The following LMO3 variants were observed in gnomAD, a reference collection of about 807,000 sequenced individuals.
The protein encoded by LMO3 is LIM domain only protein 3.
Under a neutral mutation model 15.8 loss-of-function variants are expected in LMO3, and 2 were observed. The ratio of observed to expected loss-of-function variants is 0.13; its 90% CI spans 0.05 to 0.40. The LOEUF is 0.40. Among genes scored for constraint, LMO3 ranks in the 10% least tolerant of loss-of-function variants. The pLI is 0.99. For synonymous variants in LMO3, 62 were observed against 63.8 expected (o/e 0.97, Z 0.13); for missense variants, 86 against 182.2 (o/e 0.47, Z 3.04).
rs2137642994 is a variant in LMO3, at chr12:16,593,585, T to C, written c.206+7070A>G. ...AAAAAGGTTTATCAAGAAGATTTCA[T>C]AATACAGCACAGAAGCAAAAAATGG... is the stretch of plus-strand genomic sequence containing the variant. On this transcript the variant is annotated intron_variant, in intron 2 of 3. Coordinates refer to ENST00000537304, the MANE Select transcript of LMO3 (RefSeq NM_018640.5). The surrounding 1 kb of genome is among the most constrained non-coding windows in gnomAD (Gnocchi z 4.2). 6.6e-6 allele frequency among the ~76,000 whole-genome samples: 1 copy of C among 151,936 alleles called. No homozygotes were observed. The highest frequency in any genetic ancestry group is 2.1e-4 in the South Asian group (1 of 4,820).
At position 16,573,960 on chromosome 12, in the gene LMO3, TATTACGGAACTG is replaced by T. The variant is rs1942910826; in HGVS notation, c.207-13434_207-13423del. On this transcript the variant is annotated intron_variant, in intron 2 of 3. Transcript: ENST00000537304. Reference sequence around the variant, plus strand: ...ATCAAGTCACATTAAGAAAGGAATGTATTACGGAACTGGAGTCCGTGCCCCTCAGAGCATTAC... The same window carrying T: ...ATCAAGTCACATTAAGAAAGGAATGTGAGTCCGTGCCCCTCAGAGCATTAC... The T allele has an allele frequency of 2.6e-5, 4 of 152,186 alleles. No homozygotes were observed. In the South Asian group the frequency reaches 8.3e-4, roughly 32 times the overall value. 9.4% of individuals were successfully genotyped at this position (152,186 alleles called of 1,614,324 possible).
rs1942296629 is a variant in LMO3 at position 16,559,087 on chromosome 12, G to A, written c.332+1326C>T. ...TCATAAGAAGATTCTGCATCAAATA[G>A]TACCTTTCAGAGTAAATTACAATAA... On this transcript the variant is annotated intron_variant, in intron 3 of 3. Transcript: ENST00000537304. This position sits in a 1 kb window ranked among gnomAD's most constrained non-coding sequence, Gnocchi z 4.1. 1.3e-5 allele frequency among the ~76,000 whole-genome samples: 2 copies of A among 152,236 alleles called. No homozygotes were observed. Among genetic ancestry groups the A allele is most frequent in the Admixed American group, 6.5e-5 (1 of 15,302 alleles).
chr12:16,605,812 A>T, intron 1 of LMO3: 1 of 1,535,314 alleles, frequency 6.5e-7, no homozygotes, highest in Non-Finnish European at 8.7e-7. Flanking sequence ...TTCCATCAAC[A>T]TCTTCCGCCT....
upstream of LMO3, chr12:16,609,768 T>C (rs547933271): frequency 6.6e-6 from 1 of 152,208 alleles, no homozygotes; most frequent in South Asian, 2.1e-4. Flanking sequence ...AAGAAAATAG[T>C]GTGTATATAT....
At chr12:16,592,730 T>A (rs1943532444) in intron 2 of LMO3, among the ~76,000 whole-genome samples, 1 of 151,878 alleles carries the variant, frequency 6.6e-6, no homozygotes, top group African/African-American at 2.4e-5. Flanking sequence ...AATGTAACAG[T>A]CTTGATTCTT....
chr12:16,596,792 C>T lies in LMO3; in HGVS notation c.206+3863G>A, dbSNP rs1459664518. Among the ~76,000 whole-genome samples, 1 of 151,632 alleles carries T rather than the reference C, an allele frequency of 6.6e-6. No individual in the cohort carries two copies. The highest frequency in any genetic ancestry group is 1.5e-5 in the Non-Finnish European group (1 of 67,676). ...ATGAGTACCTTAAACATTATCACTA[C>T]AACTTTGCTATTTTTACACAGTCAT... On this transcript the variant is annotated intron_variant, in intron 2 of 3. Coordinates refer to ENST00000537304, the MANE Select transcript of LMO3 (RefSeq NM_018640.5). The surrounding 1 kb of genome is among the most constrained non-coding windows in gnomAD (Gnocchi z 4.3).
chr12:16,600,632 T>C, intron 2 of LMO3, 23 bp downstream of exon 2: 1 of 1,595,560 alleles, frequency 6.3e-7, no homozygotes, highest in South Asian at 1.1e-5. Context: ...CAGTCATCAC[T>C]GGTGTGCAAG....
intron 1 of LMO3, among the ~76,000 whole-genome samples, chr12:16,602,704 T>G (rs1226940609): frequency 6.6e-6 from 1 of 152,206 alleles, no homozygotes; most frequent in African/African-American, 2.4e-5. Flanking sequence ...TTCTAACAAA[T>G]GAAGTTTCTT....
intron 2 of LMO3, among the ~76,000 whole-genome samples, chr12:16,561,765 T>C (rs902016216): frequency 6.6e-6 from 1 of 152,230 alleles, no homozygotes; most frequent in Non-Finnish European, 1.5e-5. Context: ...GTTGTGAGAA[T>C]GGTTTCTAAG....
chr12:16,551,424 A>G (rs972608486), intron 3 of LMO3, 97 bp from the exon 4 acceptor site: 4 of 722,362 alleles, frequency 5.5e-6, no homozygotes, highest in African/African-American at 5.3e-5. Flanking sequence ...TCGCATGGTA[A>G]TTCCCTGAAT....
At chr12:16,607,236 A>AC (rs1358923730), upstream of LMO3, 1 of 152,072 alleles carries the variant, frequency 6.6e-6, no homozygotes, top group Non-Finnish European at 1.5e-5. Flanking sequence ...ACTAATGCTG[A>AC]CCCCCACCAC....
At chr12:16,610,138 C>T (rs1377952668), upstream of LMO3, 2 of 152,124 alleles carry the variant, frequency 1.3e-5, no homozygotes, top group East Asian at 1.9e-4. Context: ...TGTGCCTCTC[C>T]CTTTCTCACT....
At chr12:16,554,362 T>G (rs1429660651) in intron 3 of LMO3, among the ~76,000 whole-genome samples, 2 of 152,214 alleles carry the variant, frequency 1.3e-5, no homozygotes, top group East Asian at 3.9e-4. Context: ...TTACAACACT[T>G]AGCTAGGGAG....
rs1209778108 is a variant in LMO3, at chr12:16,598,681, A to G, written c.206+1974T>C. The G allele has an allele frequency of 6.5e-6, 1 of 154,354 alleles. No individual in the cohort carries two copies. Among genetic ancestry groups the G allele is most frequent in the Non-Finnish European group, 1.4e-5 (1 of 69,248 alleles). 9.6% of individuals were successfully genotyped at this position (154,354 alleles called of 1,614,324 possible). ...TAAATGCGTTTTAGCAAAACACTTG[A>G]GACTATCAAATATATTTTTACTACC... On this transcript the variant is annotated intron_variant, in intron 2 of 3. Transcript: ENST00000537304. This position sits in a 1 kb window ranked among gnomAD's most constrained non-coding sequence, Gnocchi z 4.3.
At chr12:16,565,544 T>C (rs1302480224) in intron 2 of LMO3, among the ~76,000 whole-genome samples, 12 of 152,112 alleles carry the variant, frequency 7.9e-5, no homozygotes, top group Admixed American at 7.9e-4. Flanking sequence ...ATTATGAAAG[T>C]TAAAGAAAAG....
At position 16,549,823 on chromosome 12, in the gene LMO3, T is replaced by C. The variant is rs1260472997; in HGVS notation, c.*1399A>G. The C allele has an allele frequency of 1.3e-5, 2 of 152,086 alleles. No homozygotes were observed. Among genetic ancestry groups the C allele is most frequent in the African/African-American group, 4.8e-5 (2 of 41,418 alleles). 9.4% of individuals were successfully genotyped at this position (152,086 alleles called of 1,614,324 possible). A position where few individuals can be genotyped will look rare whatever the true frequency, so the allele number is the denominator to read the frequency against. ...ATTTCCTTAATTGTAATTTAAATAATCATTCTCCATAATTTCTCTTTCTAG... is the reference window on the plus strand; with the variant it reads ...ATTTCCTTAATTGTAATTTAAATAACCATTCTCCATAATTTCTCTTTCTAG... On this transcript the variant is annotated 3_prime_UTR_variant, in exon 4 of 4. Coordinates refer to ENST00000537304, the MANE Select transcript of LMO3 (RefSeq NM_018640.5).
intron 3 of LMO3, among the ~76,000 whole-genome samples, chr12:16,556,159 C>T (rs1200873771): frequency 2.6e-5 from 4 of 152,102 alleles, no homozygotes; most frequent in Admixed American, 6.6e-5. Flanking sequence ...GGGAAAATTT[C>T]ATCACAAGCT....
chr12:16,609,796 T>C (rs1351496911), upstream of LMO3: 1 of 152,172 alleles, frequency 6.6e-6, no homozygotes, highest in Non-Finnish European at 1.5e-5. Context: ...TCTAAACACG[T>C]CTTCAAGTTT....
intron 2 of LMO3, among the ~76,000 whole-genome samples, chr12:16,578,029 C>G (rs1357625493): frequency 5.3e-5 from 8 of 152,158 alleles, no homozygotes; most frequent in Admixed American, 5.2e-4. Context: ...ATTAGATGTA[C>G]AATGGACTCC....
Sources: allele counts gnomAD v4.1 joint callset (sites outside exome capture counted in the v4.1 genomes callset), GRCh38; gene constraint gnomAD v4.1.1; non-coding constraint Gnocchi (gnomAD v3.1); transcripts MANE v1.5; gene names NCBI Gene and HGNC (gene_info 2026-07-23, HGNC 2026-07-21).